XYLB: variants seen among roughly 807,000 people sequenced by gnomAD.
XYLB encodes the protein xylulokinase.
In XYLB, 62 loss-of-function variants were observed where a neutral mutation model predicts 78.7. The ratio of observed to expected loss-of-function variants is 0.79; its 90% CI spans 0.64 to 0.97. The LOEUF (loss-of-function observed/expected upper bound fraction) is 0.97. Among genes scored for constraint, XYLB ranks in the 50% least tolerant of loss-of-function variants. The probability of loss-of-function intolerance (pLI) is 0.00; values close to 1 mark genes in which losing one functional copy is unlikely to be tolerated. For missense variants in XYLB, 687 were observed against 676.8 expected (o/e 1.02, Z -0.17); for synonymous variants, 245 against 247.4 (o/e 0.99, Z 0.09).
the XYLB span, among the ~76,000 whole-genome samples, chr3:38,438,180 T>G: frequency 6.6e-6 from 1 of 152,140 alleles, no homozygotes; most frequent in Admixed American, 6.5e-5. Context: ...AGTGAGTTGA[T>G]TGCACCACTC....
chr3:38,450,457 G>A, the XYLB span, among the ~76,000 whole-genome samples: 1 of 152,174 alleles, frequency 6.6e-6, no homozygotes, highest in Non-Finnish European at 1.5e-5. Flanking sequence ...GGTCTTGATT[G>A]TTGAAGGGTG....
At chr3:38,363,551 A>G (rs746901158) in intron 4 of XYLB, among the ~76,000 whole-genome samples, 50 of 152,132 alleles carry the variant, frequency 3.3e-4, no homozygotes, top group Non-Finnish European at 5.3e-4. Context: ...CTTGGTACAC[A>G]CTCAGGGCAT....
intron 18 of XYLB, among the ~76,000 whole-genome samples, chr3:38,409,396 A>T (rs1708476044): frequency 6.6e-6 from 1 of 152,206 alleles, no homozygotes; most frequent in Non-Finnish European, 1.5e-5. Flanking sequence ...TCAAAATAAT[A>T]AGAGCTATCT....
chr3:38,348,697 T>G, intron 2 of XYLB, 65 bp downstream of exon 2: 3 of 1,473,962 alleles, frequency 2.0e-6, no homozygotes, highest in Non-Finnish European at 1.9e-6. Context: ...CCGCAAACTT[T>G]TGTATTCGCA....
At chr3:38,369,268 A>C (rs540003324) in intron 8 of XYLB, among the ~76,000 whole-genome samples, 35 of 152,322 alleles carry the variant, frequency 2.3e-4, no homozygotes, top group African/African-American at 8.2e-4. Context: ...CCCTACAGCT[A>C]GTTCTGTAGA....
At chr3:38,439,284 T>C in the XYLB span, among the ~76,000 whole-genome samples, 1 of 152,284 alleles carries the variant, frequency 6.6e-6, no homozygotes, top group East Asian at 1.9e-4. Flanking sequence ...TAGAAGTTGT[T>C]AATTGAGCTC....
intron 5 of XYLB, 26 bp downstream of exon 5, chr3:38,365,311 G>A: frequency 6.2e-7 from 1 of 1,610,900 alleles, no homozygotes; most frequent in Non-Finnish European, 8.5e-7. Flanking sequence ...TTGTGTGAGT[G>A]TGAGAAACTT....
chr3:38,433,120 A>T, the XYLB span, among the ~76,000 whole-genome samples: 42 of 152,304 alleles, frequency 2.8e-4, no homozygotes, highest in African/African-American at 9.4e-4. Context: ...TCAATTCTTT[A>T]CTTCTCTGCA....
chr3:38,446,253 C>T, the XYLB span, among the ~76,000 whole-genome samples: 1 of 152,172 alleles, frequency 6.6e-6, no homozygotes, highest in Non-Finnish European at 1.5e-5. Context: ...AAACGTCTAG[C>T]TAGCCACAGA....
chr3:38,418,676 C>T (rs1324375507), downstream of XYLB, among the ~76,000 whole-genome samples: 1 of 152,164 alleles, frequency 6.6e-6, no homozygotes, highest in Admixed American at 6.5e-5. Context: ...CAGTTCTCTA[C>T]TTAGTTCTTT....
intron 18 of XYLB, among the ~76,000 whole-genome samples, chr3:38,407,916 C>T (rs1209216101): frequency 6.6e-6 from 1 of 151,820 alleles, no homozygotes; most frequent in Non-Finnish European, 1.5e-5. Context: ...GAGACTTAGA[C>T]TCCCACACAA....
intron 17 of XYLB, among the ~76,000 whole-genome samples, chr3:38,397,678 C>T (rs1041313258): frequency 2.0e-5 from 3 of 152,116 alleles, no homozygotes; most frequent in Non-Finnish European, 4.4e-5. Context: ...AGGAGCAGCA[C>T]CTACCTGCAA....
chr3:38,401,020 C>T (rs748602400), intron 18 of XYLB, 35 bp downstream of exon 18: 29 of 1,595,898 alleles, frequency 1.8e-5, no homozygotes, highest in Admixed American at 1.7e-4. Flanking sequence ...GTAGCATTTG[C>T]ATTATGAAAG....
At chr3:38,406,854 G>A (rs1288106883) in intron 18 of XYLB, among the ~76,000 whole-genome samples, 4 of 151,866 alleles carry the variant, frequency 2.6e-5, no homozygotes, top group Non-Finnish European at 4.4e-5. Context: ...AAAGAAACAA[G>A]CAAAGCCTCC....
Position 38,348,658 on chromosome 3 carries a change from G to T in XYLB, c.140+26G>T, listed in dbSNP as rs901650030. On this transcript the variant is annotated intron_variant, in intron 2 of 18. Transcript: ENST00000207870. Reference sequence around the variant, plus strand: ...GTATGTACTTGATGTGCATGTGTGTGTGATGGGGGTGTTGGTTTTGGGGTC... The same window carrying T: ...GTATGTACTTGATGTGCATGTGTGTTTGATGGGGGTGTTGGTTTTGGGGTC... The T allele has an allele frequency of 1.3e-5, 21 of 1,610,074 alleles. No homozygotes were observed. In the Admixed American group the frequency reaches 3.3e-4, roughly 26 times the overall value.
intron 2 of XYLB, among the ~76,000 whole-genome samples, chr3:38,358,088 A>G (rs1705760763): frequency 6.6e-6 from 1 of 150,954 alleles, no homozygotes; most frequent in African/African-American, 2.4e-5. Flanking sequence ...GCTTTGGTGC[A>G]GTATTGGTTA....
intron 18 of XYLB, among the ~76,000 whole-genome samples, chr3:38,402,280 C>T (rs1250812948): frequency 6.6e-6 from 1 of 152,220 alleles, no homozygotes; most frequent in Non-Finnish European, 1.5e-5. Context: ...TAAACATTCT[C>T]TCCAGTGTCT....
intron 18 of XYLB, among the ~76,000 whole-genome samples, chr3:38,412,324 G>C (rs531212109): frequency 3.9e-4 from 60 of 152,264 alleles, no homozygotes; most frequent in African/African-American, 1.4e-3. Flanking sequence ...GCTGTAACCT[G>C]GTTGGGAGGC....
chr3:38,422,311 A>C (rs139616999), downstream of XYLB, among the ~76,000 whole-genome samples: 1 of 152,356 alleles, frequency 6.6e-6, no homozygotes, highest in African/African-American at 2.4e-5. Flanking sequence ...GAGAGTGTAT[A>C]GCACAACTCC....
Sources: allele counts gnomAD v4.1 joint callset (sites outside exome capture counted in the v4.1 genomes callset), GRCh38; gene constraint gnomAD v4.1.1; transcripts MANE v1.5; gene names NCBI Gene and HGNC (gene_info 2026-07-23, HGNC 2026-07-21).